GTF2I: variants seen among roughly 807,000 people sequenced by gnomAD.
GTF2I encodes the protein general transcription factor IIi.
A neutral mutation model predicts 67.6 loss-of-function variants in GTF2I; 12 were observed. That is an observed-to-expected ratio of 0.18 (90% CI 0.11 to 0.29). The LOEUF (loss-of-function observed/expected upper bound fraction) is 0.29. Ranked by LOEUF, GTF2I falls within the 10% of genes least tolerant of loss-of-function variation. GTF2I has a pLI of 1.00. For synonymous variants in GTF2I, 149 were observed against 197.0 expected (o/e 0.76, Z 2.04); for missense variants, 271 against 580.1 (o/e 0.47, Z 5.47).
In GTF2I at chr7:74,735,551, A is replaced by G. The variant is rs1188960840; in HGVS notation, c.1435+19A>G. 1.1e-5 allele frequency: 3 copies of G among 263,958 alleles called. No homozygotes were observed. Among genetic ancestry groups the G allele is most frequent in the Non-Finnish European group, 2.1e-5 (3 of 142,852 alleles). The allele number at this position is 263,958 out of a possible 1,614,324, so 16.4% of individuals were successfully genotyped here. ...AAATTTGGTAAGTCTGTTTTTTTTA[A>G]TTACCCCTTCAACTAAAATGTATTA... On this transcript the variant is annotated intron_variant, in intron 17 of 34. Transcript: ENST00000573035.
intron 1 of GTF2I, among the ~76,000 whole-genome samples, chr7:74,671,408 G>A (rs1446488612): frequency 6.6e-6 from 1 of 150,686 alleles, no homozygotes; most frequent in African/African-American, 2.4e-5. Flanking sequence ...TTATTATTTT[G>A]TCATTCTTTC....
chr7:74,716,658 C>A, intron 10 of GTF2I: 1 of 395,830 alleles, frequency 2.5e-6, no homozygotes, highest in Non-Finnish European at 4.6e-6. Context: ...ATCCCCAAAC[C>A]TACTTAGGTC....
At chr7:74,659,730 A>T (rs1464485052) in intron 1 of GTF2I, among the ~76,000 whole-genome samples, 1 of 151,638 alleles carries the variant, frequency 6.6e-6, no homozygotes, top group African/African-American at 2.4e-5. Context: ...TTTTTTAGAG[A>T]TGGGGTCTTC....
intron 1 of GTF2I, among the ~76,000 whole-genome samples, chr7:74,660,435 G>T (rs1251024318): frequency 1.3e-5 from 2 of 151,734 alleles, no homozygotes; most frequent in Non-Finnish European, 2.9e-5. Flanking sequence ...CAGGTGATCC[G>T]CCTGCCTCGG....
At chr7:74,665,217 C>G (rs1387526805) in intron 1 of GTF2I, among the ~76,000 whole-genome samples, 1 of 151,836 alleles carries the variant, frequency 6.6e-6, no homozygotes, top group Non-Finnish European at 1.5e-5. Flanking sequence ...GCTGGGATTA[C>G]AGGTGTGAGC....
At chr7:74,682,739 G>T (rs989822433) in intron 1 of GTF2I, among the ~76,000 whole-genome samples, 1 of 152,138 alleles carries the variant, frequency 6.6e-6, no homozygotes, top group African/African-American at 2.4e-5. Flanking sequence ...AAATAGTCCT[G>T]CAAAAACTTG....
At chr7:74,710,816 G>C (rs1791449352) in intron 8 of GTF2I, among the ~76,000 whole-genome samples, 2 of 152,198 alleles carry the variant, frequency 1.3e-5, no homozygotes, top group African/African-American at 2.4e-5. Flanking sequence ...CATAATTGCA[G>C]AATATTAATA....
At chr7:74,693,768 C>G (rs587737680) in intron 3 of GTF2I, among the ~76,000 whole-genome samples, 1 of 152,166 alleles carries the variant, frequency 6.6e-6, no homozygotes, top group East Asian at 1.9e-4. Context: ...ATTACTTGAA[C>G]CTGGGAGGTG....
intron 12 of GTF2I, among the ~76,000 whole-genome samples, chr7:74,720,583 G>A (rs1377117773): frequency 1.3e-5 from 2 of 151,942 alleles, no homozygotes; most frequent in Non-Finnish European, 2.9e-5. Context: ...CTCATTAACA[G>A]GAAAAAAACT....
At chr7:74,670,385 G>A (rs1805345498) in intron 1 of GTF2I, among the ~76,000 whole-genome samples, 1 of 152,080 alleles carries the variant, frequency 6.6e-6, no homozygotes, top group South Asian at 2.1e-4. Flanking sequence ...CCTGCCTTCT[G>A]TGAACAGTGC....
At chr7:74,735,659 T>C (rs1794805876) in intron 17 of GTF2I, 127 bp downstream of exon 17, 6 of 516,438 alleles carry the variant, frequency 1.2e-5, no homozygotes, top group South Asian at 1.1e-4. Flanking sequence ...TTCCCTGTTT[T>C]TTTTTTTTGG....
At chr7:74,693,904 A>G (rs782211150) in intron 3 of GTF2I, among the ~76,000 whole-genome samples, 1 of 152,166 alleles carries the variant, frequency 6.6e-6, no homozygotes, top group Non-Finnish European at 1.5e-5. Flanking sequence ...TGAGTGTTCA[A>G]GTGAAAGGAA....
chr7:74,672,851 G>A (rs1805577283), intron 1 of GTF2I, among the ~76,000 whole-genome samples: 1 of 151,984 alleles, frequency 6.6e-6, no homozygotes, highest in Non-Finnish European at 1.5e-5. Context: ...GAGAGTTTAT[G>A]AGTTTACTGT....
chr7:74,690,888 T>G, intron 2 of GTF2I, 85 bp from the exon 3 acceptor site: 1 of 201,548 alleles, frequency 5.0e-6, no homozygotes, highest in Non-Finnish European at 7.5e-6. Flanking sequence ...CTTTAAAAAA[T>G]GTTGTTAGTT....
chr7:74,688,043 T>C (rs1208168720), intron 1 of GTF2I, among the ~76,000 whole-genome samples: 1 of 152,196 alleles, frequency 6.6e-6, no homozygotes, highest in African/African-American at 2.4e-5. Context: ...TATGTCTTTA[T>C]ATGGTGTATT....
intron 12 of GTF2I, among the ~76,000 whole-genome samples, chr7:74,725,616 C>A (rs1195659317): frequency 6.6e-6 from 1 of 151,804 alleles, no homozygotes; most frequent in Non-Finnish European, 1.5e-5. Flanking sequence ...ATCACCTGAG[C>A]CTGGGAAGTC....
chr7:74,732,458 T>A, intron 14 of GTF2I, 21 bp from the exon 15 acceptor site: 1 of 1,480,692 alleles, frequency 6.8e-7, no homozygotes, highest in East Asian at 2.4e-5. Context: ...ATGATATCTC[T>A]TTCTCTTTTT....
chr7:74,695,437 T>G (rs587683140), intron 3 of GTF2I, among the ~76,000 whole-genome samples: 6 of 152,322 alleles, frequency 3.9e-5, no homozygotes, highest in East Asian at 3.9e-4. Context: ...TGTGTGACTT[T>G]ACTTTATACT....
chr7:74,695,928 G>T (rs932539256), intron 3 of GTF2I, among the ~76,000 whole-genome samples: 1 of 152,016 alleles, frequency 6.6e-6, no homozygotes, highest in Admixed American at 6.6e-5. Flanking sequence ...AGCATTAAGG[G>T]CGCTGTCCTC....
Sources: allele counts gnomAD v4.1 joint callset (sites outside exome capture counted in the v4.1 genomes callset), GRCh38; gene constraint gnomAD v4.1.1; transcripts MANE v1.5; gene names NCBI Gene and HGNC (gene_info 2026-07-23, HGNC 2026-07-21).